The following FBN1 variants were observed in gnomAD, a reference collection of about 807,000 sequenced individuals.
The protein encoded by FBN1 is fibrillin-1.
In FBN1, 29 loss-of-function variants were observed where a neutral mutation model predicts 365.1. That is an observed-to-expected ratio of 0.08 (90% CI 0.06 to 0.11). The LOEUF (loss-of-function observed/expected upper bound fraction) is 0.11. Ranked by LOEUF, FBN1 falls within the 10% of genes least tolerant of loss-of-function variation. The pLI, the probability that FBN1 is intolerant of heterozygous loss-of-function variation, is 1.00. For synonymous variants in FBN1, 1,210 were observed against 1,270.5 expected (o/e 0.95, Z 1.01); for missense variants, 2,476 against 3,703.2 (o/e 0.67, Z 8.60).
chr15:48,626,844 C>T (rs1889893641), intron 2 of FBN1, among the ~76,000 whole-genome samples: 2 of 152,020 alleles, frequency 1.3e-5, no homozygotes, highest in Non-Finnish European at 1.5e-5. Context: ...CTTTAGTCCA[C>T]ATGAAGTCAT....
Position 48,496,241 on chromosome 15 carries a change from A to G in FBN1, c.2294-16T>C, listed in dbSNP as rs1333654391. Reference sequence around the variant, plus strand: ...TCATTAATATCTGCAAAGTCAATGAAAATAAACACTTAAAAAGGGCCCAAA... The same window carrying G: ...TCATTAATATCTGCAAAGTCAATGAGAATAAACACTTAAAAAGGGCCCAAA... On this transcript the variant is annotated splice_polypyrimidine_tract_variant and intron_variant, in intron 19 of 65. Coordinates refer to ENST00000316623, the MANE Select transcript of FBN1 (RefSeq NM_000138.5). The G allele has an allele frequency of 1.9e-6, 3 of 1,613,572 alleles. No homozygotes were observed. In the South Asian group the frequency reaches 3.3e-5, roughly 18 times the overall value.
chr15:48,503,742 G>A (rs1256701754), intron 17 of FBN1, 45 bp downstream of exon 17: 3 of 1,611,498 alleles, frequency 1.9e-6, no homozygotes, highest in Non-Finnish European at 1.7e-6. Context: ...CCTCAATGGT[G>A]GCAGAAGGCT....
intron 4 of FBN1, among the ~76,000 whole-genome samples, chr15:48,604,211 G>A (rs977474238): frequency 2.7e-5 from 4 of 148,456 alleles, no homozygotes; most frequent in South Asian, 4.1e-4. Flanking sequence ...GATGCATTAG[G>A]TTTGGAATGA....
chr15:48,579,868 G>A (rs775042506), intron 6 of FBN1, among the ~76,000 whole-genome samples: 7 of 152,076 alleles, frequency 4.6e-5, no homozygotes, highest in African/African-American at 9.7e-5. Flanking sequence ...AACCCAATAC[G>A]ACTAAAAGAA....
At chr15:48,445,584 A>G (rs2043152614) in intron 47 of FBN1, 80 bp from the exon 48 acceptor site, 14 of 1,518,740 alleles carry the variant, frequency 9.2e-6, no homozygotes, top group Non-Finnish European at 1.3e-5. Flanking sequence ...TTCTAAAAGA[A>G]AAAATACTTT....
At chr15:48,420,981 G>C (rs1170453131) in intron 62 of FBN1, among the ~76,000 whole-genome samples, 175 bp from the exon 63 acceptor site, 2 of 152,158 alleles carry the variant, frequency 1.3e-5, no homozygotes, top group Non-Finnish European at 2.9e-5. Context: ...CATTCAGAGA[G>C]CCCTGGCAAA....
intron 6 of FBN1, among the ~76,000 whole-genome samples, chr15:48,561,840 T>C (rs1021651894): frequency 1.3e-4 from 20 of 152,216 alleles, no homozygotes; most frequent in Admixed American, 8.5e-4. Flanking sequence ...AGTCATTCTC[T>C]TGGGCAAGCA....
rs372128184 is a variant in FBN1, at chr15:48,447,394, C to T, written c.5672-572G>A. 5.9e-5 allele frequency among the ~76,000 whole-genome samples: 9 copies of T among 152,292 alleles called. No individual in the cohort carries two copies. In the East Asian group the frequency reaches 9.6e-4, roughly 16 times the overall value. On this transcript the variant is annotated intron_variant, in intron 46 of 65. Transcript: ENST00000316623. ...TGATGACTTCTCTCACTTTTCTAAA[C>T]TACCCCAAAGAGATGGCACTTAATT...
At chr15:48,608,753 C>G (rs1349930541) in intron 4 of FBN1, among the ~76,000 whole-genome samples, 1 of 152,154 alleles carries the variant, frequency 6.6e-6, no homozygotes, top group African/African-American at 2.4e-5. Flanking sequence ...GGATTTTAGT[C>G]TCTAGACTAA....
chr15:48,529,659 T>G (rs1248611337), intron 8 of FBN1: 1 of 152,210 alleles, frequency 6.6e-6, no homozygotes, highest in Admixed American at 6.5e-5. Context: ...GTGGCAGCTG[T>G]TTAAAAGTAA....
In FBN1 at chr15:48,488,135, G is replaced by T. The variant is rs770232184; in HGVS notation, c.3315C>A (p.Phe1105Leu). 6.2e-7 allele frequency: 1 copy of T among 1,614,028 alleles called. No individual in the cohort carries two copies. Among genetic ancestry groups the T allele is most frequent in the South Asian group, 1.1e-5 (1 of 91,072 alleles). ...CKCDEGYESG[F>L]MMMKNCMDID... Reference sequence around the variant, plus strand: ...TACCCATGCAGTTCTTCATCATCATGAATCCACTTTCATAGCCTTCGTCAC... The same window carrying T: ...TACCCATGCAGTTCTTCATCATCATTAATCCACTTTCATAGCCTTCGTCAC... The change falls in exon 27 of 66, where the codon TTC becomes TTA. Residue 1105 changes from phenylalanine to leucine, a missense_variant. This residue lies in a region of FBN1 where 1,780 missense variants were observed against 2,840.8 expected (regional missense o/e 0.63). Coordinates refer to ENST00000316623, the MANE Select transcript of FBN1 (RefSeq NM_000138.5).
intron 32 of FBN1, among the ~76,000 whole-genome samples, chr15:48,478,699 C>G (rs2043443486): frequency 6.6e-6 from 1 of 152,194 alleles, no homozygotes; most frequent in Non-Finnish European, 1.5e-5. Context: ...AATGTGTTCT[C>G]TCTCCATTAA....
Position 48,644,913 on chromosome 15 carries a change from C to T in FBN1, c.-144G>A. The T allele has an allele frequency of 1.4e-6, 1 of 731,442 alleles. No homozygotes were observed. The highest frequency in any genetic ancestry group is 1.9e-6 in the Non-Finnish European group (1 of 534,048). The allele number at this position is 731,442 out of a possible 1,614,324, so 45.3% of individuals were successfully genotyped here. A position where few individuals can be genotyped will look rare whatever the true frequency, so the allele number is the denominator to read the frequency against. Reference sequence around the variant, plus strand: ...CCCCGGGCCGGGCTCCTCCCGCCTTCTCCAGGCGCTGCTCCCACTTCAGGC... The same window carrying T: ...CCCCGGGCCGGGCTCCTCCCGCCTTTTCCAGGCGCTGCTCCCACTTCAGGC... On this transcript the variant is annotated 5_prime_UTR_variant, in exon 2 of 66. Coordinates refer to ENST00000316623, the MANE Select transcript of FBN1 (RefSeq NM_000138.5).
intron 4 of FBN1, among the ~76,000 whole-genome samples, chr15:48,604,423 C>T (rs1411295549): frequency 6.6e-6 from 1 of 152,162 alleles, no homozygotes; most frequent in Admixed American, 6.5e-5. Context: ...AGAGTCACTG[C>T]AGGATAAAAA....
intron 9 of FBN1, among the ~76,000 whole-genome samples, chr15:48,522,343 TAC>T: frequency 6.6e-6 from 1 of 152,244 alleles, no homozygotes; most frequent in Middle Eastern, 3.4e-3. Flanking sequence ...TTTAATATAA[TAC>T]ACTTTATTGT....
intron 6 of FBN1, among the ~76,000 whole-genome samples, chr15:48,560,868 C>G (rs1430069855): frequency 6.6e-6 from 1 of 152,098 alleles, no homozygotes; most frequent in Admixed American, 6.6e-5. Flanking sequence ...GATGTCCCAC[C>G]CCTGTGTGAC....
intron 40 of FBN1, among the ~76,000 whole-genome samples, chr15:48,464,528 C>A (rs1251552650): frequency 6.6e-6 from 1 of 151,658 alleles, no homozygotes; most frequent in African/African-American, 2.4e-5. Context: ...AACAAACAAA[C>A]AAAAAACAAA....
Position 48,605,508 on chromosome 15 carries a change from C to T in FBN1, c.346+5220G>A, listed in dbSNP as rs139063390. ...GCCTGCAAATAACATATCTGATAAA[C>T]AGCTAGTATTTAGAGTATACAAAGA... is the stretch of plus-strand genomic sequence containing the variant. On this transcript the variant is annotated intron_variant, in intron 4 of 65. Transcript: ENST00000316623. Among the ~76,000 whole-genome samples the T allele has an allele frequency of 1.3e-3, 205 of 152,278 alleles. 3 individuals carry two copies. Among genetic ancestry groups the T allele is most frequent in the African/African-American group, 4.8e-3 (200 of 41,556 alleles).
In FBN1 at chr15:48,644,670, C is replaced by T. The variant is rs1365346856; in HGVS notation, c.100G>A (p.Val34Met). The T allele has an allele frequency of 1.2e-6, 2 of 1,614,222 alleles. No homozygotes were observed. The highest frequency in any genetic ancestry group is 1.7e-5 in the Admixed American group (1 of 60,036). ...GCCCGACTGGCTCTGGTTTCCTTCA[C>T]GTTCCCAGCCTCCAAATTGGCGTCC... ...GADANLEAGNVKETRASRAKR... is the reference protein window; with the variant it reads ...GADANLEAGNMKETRASRAKR... The change falls in exon 2 of 66, where the codon GTG (valine) becomes ATG (methionine). Residue 34 changes from valine (V) to methionine (M), a missense_variant. This residue lies in a region of FBN1 where 76 missense variants were observed against 85.4 expected (regional missense o/e 0.89). Transcript: ENST00000316623.
Sources: allele counts gnomAD v4.1 joint callset (sites outside exome capture counted in the v4.1 genomes callset), GRCh38; gene constraint gnomAD v4.1.1; regional missense constraint gnomAD v4.1.1; transcripts MANE v1.5; gene names NCBI Gene and HGNC (gene_info 2026-07-23, HGNC 2026-07-21).